The following RASSF5 variants were observed in gnomAD, a reference collection of about 807,000 sequenced individuals.
RASSF5 encodes ras association domain-containing protein 5.
In RASSF5, 25 loss-of-function variants were observed where a neutral mutation model predicts 40.5. That is an observed-to-expected ratio of 0.62 (90% CI 0.45 to 0.86). The LOEUF is 0.86. Ranked by LOEUF, RASSF5 falls within the 40% of genes least tolerant of loss-of-function variation. RASSF5 has a pLI of 0.00. For missense variants in RASSF5, 521 were observed against 572.8 expected, an observed-to-expected ratio of 0.91 and a Z score of 0.92; for synonymous variants, 246 against 252.4, an observed-to-expected ratio of 0.97 and a Z score of 0.24.
chr1:206,550,966 G>A (rs782025167), intron 2 of RASSF5, among the ~76,000 whole-genome samples: 3 of 152,128 alleles, frequency 2.0e-5, no homozygotes, highest in Admixed American at 1.3e-4. Context: ...CAAGTTTAGC[G>A]CTCCCAGCTC....
At chr1:206,526,487 C>A (rs1460431057) in intron 1 of RASSF5, among the ~76,000 whole-genome samples, 1 of 152,192 alleles carries the variant, frequency 6.6e-6, no homozygotes, top group Non-Finnish European at 1.5e-5. Context: ...CCTGACCTGG[C>A]TGCCTGACCC....
At chr1:206,542,387 G>A (rs10863701) in intron 2 of RASSF5, 91,557 of 151,954 alleles carry the variant, frequency 0.6, 28,311 homozygotes, top group East Asian at 0.74. Flanking sequence ...TCTCTCTCGA[G>A]TGTGACACGC....
chr1:206,529,755 A>T, intron 1 of RASSF5: 2 of 444,918 alleles, frequency 4.5e-6, no homozygotes, highest in Non-Finnish European at 7.9e-6. Context: ...AAATACTACA[A>T]TTTTTCCTTC....
At chr1:206,547,817 G>A (rs912878734) in intron 2 of RASSF5, among the ~76,000 whole-genome samples, 7 of 152,104 alleles carry the variant, frequency 4.6e-5, no homozygotes, top group African/African-American at 1.4e-4. Context: ...AGATTTAAAT[G>A]ATAAGAAATT....
At position 206,513,118 on chromosome 1, in the gene RASSF5, C is replaced by T. The variant is rs1232260080; in HGVS notation, c.457+5059C>T. On this transcript the variant is annotated intron_variant, in intron 1 of 5. Transcript: ENST00000579436. The surrounding 1 kb of genome is among the most constrained non-coding windows in gnomAD (Gnocchi z 5.0). Reference sequence around the variant, plus strand: ...CCGCTTTGGGCTTCAGAGTCAGCACCTCTGTGTGAGAGGCTGCTACCTGAG... The same window carrying T: ...CCGCTTTGGGCTTCAGAGTCAGCACTTCTGTGTGAGAGGCTGCTACCTGAG... Among the ~76,000 whole-genome samples, 1 of 152,218 alleles carries T rather than the reference C, an allele frequency of 6.6e-6. No individual in the cohort carries two copies. The highest frequency in any genetic ancestry group is 2.4e-5 in the African/African-American group (1 of 41,458).
At chr1:206,547,733 G>C (rs1160803047) in intron 2 of RASSF5, among the ~76,000 whole-genome samples, 3 of 152,056 alleles carry the variant, frequency 2.0e-5, no homozygotes, top group Non-Finnish European at 4.4e-5. Context: ...GTGCCAAAAA[G>C]GTTGGGGACC....
chr1:206,529,256 G>A lies in RASSF5; in HGVS notation c.458-8916G>A. On this transcript the variant is annotated intron_variant, in intron 1 of 5. Coordinates refer to ENST00000579436, the MANE Select transcript of RASSF5 (RefSeq NM_182663.4). ...AGAAGAAGCAGAGGCCGTTGGCCCA[G>A]GCTGAGAAGAGAGCTGCCGGCAAAG... is the stretch of plus-strand genomic sequence containing the variant. The A allele has an allele frequency of 9.4e-6, 11 of 1,174,144 alleles. 1 individual carries two copies. The South Asian group carries it at 1.3e-4, about 14-fold the overall frequency. The allele number at this position is 1,174,144 out of a possible 1,614,324, so 72.7% of individuals were successfully genotyped here. A position where few individuals can be genotyped will look rare whatever the true frequency, so the allele number is the denominator to read the frequency against.
intron 2 of RASSF5, among the ~76,000 whole-genome samples, chr1:206,564,823 G>A (rs58229009): frequency 1.3e-5 from 2 of 152,110 alleles, no homozygotes; most frequent in African/African-American, 4.8e-5. Flanking sequence ...AAAGTGCCAC[G>A]AATCAGGAGC....
chr1:206,520,599 T>G (rs1395217806), intron 1 of RASSF5, among the ~76,000 whole-genome samples: 3 of 114,628 alleles, frequency 2.6e-5, no homozygotes, highest in African/African-American at 1.0e-4. Flanking sequence ...AAAGCAAGAC[T>G]CCATCTCAAA....
rs1553394940 is a variant in RASSF5, at chr1:206,513,384, G to A, written c.457+5325G>A. Among the ~76,000 whole-genome samples, 2 of 152,240 alleles carry A rather than the reference G, an allele frequency of 1.3e-5. No individual in the cohort carries two copies. The highest frequency in any genetic ancestry group is 4.8e-5 in the African/African-American group (2 of 41,464). ...TGGCAAGGTGAGTATTCTTGGGTGG[G>A]TGAGTATTTGTGGGTGTGCAAAGCA... On this transcript the variant is annotated intron_variant, in intron 1 of 5. Transcript: ENST00000579436. This position sits in a 1 kb window ranked among gnomAD's most constrained non-coding sequence, Gnocchi z 5.0.
At chr1:206,574,875 T>G (rs74446476) in intron 2 of RASSF5, among the ~76,000 whole-genome samples, 2 of 148,118 alleles carry the variant, frequency 1.4e-5, no homozygotes, top group African/African-American at 5.1e-5. Flanking sequence ...TTTTTTTTTT[T>G]TTGAGATGGA....
chr1:206,581,718 G>A (rs1668888181), intron 2 of RASSF5, among the ~76,000 whole-genome samples: 1 of 152,184 alleles, frequency 6.6e-6, no homozygotes, highest in Non-Finnish European at 1.5e-5. Context: ...GGTTGGAGGT[G>A]GGAGGCTGGA....
intron 1 of RASSF5, among the ~76,000 whole-genome samples, chr1:206,509,645 T>A (rs1311299074): frequency 6.6e-6 from 1 of 152,212 alleles, no homozygotes; most frequent in Non-Finnish European, 1.5e-5. Context: ...GGAAATCTGC[T>A]TCGTTGGCAT....
At chr1:206,585,705 T>C in intron 5 of RASSF5, 1 of 162,020 alleles carries the variant, frequency 6.2e-6, no homozygotes, top group Non-Finnish European at 1.4e-5. Context: ...TTTCTTGACC[T>C]CCATCCCCCA....
At chr1:206,529,318 C>T in intron 1 of RASSF5, 3 of 782,208 alleles carry the variant, frequency 3.8e-6, no homozygotes, top group Non-Finnish European at 6.8e-6. Context: ...GTCCTTCGAG[C>T]AGGAGTTAAC....
intron 2 of RASSF5, among the ~76,000 whole-genome samples, chr1:206,578,944 C>T (rs1553405700): frequency 1.3e-5 from 2 of 152,130 alleles, no homozygotes; most frequent in African/African-American, 4.8e-5. Flanking sequence ...GGCAAATCTG[C>T]CCTGAGTTAG....
intron 2 of RASSF5, among the ~76,000 whole-genome samples, chr1:206,562,921 CA>C (rs75427222): frequency 0.2 from 28,318 of 144,396 alleles, 2,780 homozygotes; most frequent in Middle Eastern, 0.37. Flanking sequence ...GTCTCTGTCT[CA>C]AAAAAAAAAA....
At chr1:206,549,782 A>G (rs1667785012) in intron 2 of RASSF5, among the ~76,000 whole-genome samples, 1 of 152,200 alleles carries the variant, frequency 6.6e-6, no homozygotes, top group Non-Finnish European at 1.5e-5. Context: ...TACTCTACTC[A>G]GTGCCTAATA....
rs573083420 is a variant in RASSF5, at chr1:206,534,057, G to C, written c.458-4115G>C. 2.6e-4 allele frequency among the ~76,000 whole-genome samples: 39 copies of C among 152,310 alleles called. No individual in the cohort carries two copies. The South Asian group carries it at 7.9e-3, about 31-fold the overall frequency. The stretch of plus-strand genomic sequence containing the variant: ...AGCGGGCCTGGCCCAGCCAACACTT[G>C]ATTTCAAGCTAGCCTCCAGAACTGC... On this transcript the variant is annotated intron_variant, in intron 1 of 5. Transcript: ENST00000579436.
Sources: allele counts gnomAD v4.1 joint callset (sites outside exome capture counted in the v4.1 genomes callset), GRCh38; gene constraint gnomAD v4.1.1; non-coding constraint Gnocchi (gnomAD v3.1); transcripts MANE v1.5; gene names NCBI Gene and HGNC (gene_info 2026-07-23, HGNC 2026-07-21).